The following TEPSIN variants were observed in gnomAD, a reference collection of about 807,000 sequenced individuals.
TEPSIN encodes AP-4 complex accessory subunit tepsin.
In TEPSIN, 50 loss-of-function variants were observed where a neutral mutation model predicts 48.5. That is an observed-to-expected ratio of 1.03 (90% CI 0.82 to 1.31). The LOEUF is 1.31. TEPSIN is among the 50% of genes most tolerant of loss of function. TEPSIN has a pLI of 0.00. For missense variants in TEPSIN, 838 were observed against 815.9 expected (o/e 1.03, Z -0.33); for synonymous variants, 392 against 358.8 (o/e 1.09, Z -1.05).
In TEPSIN at chr17:81,230,736, G is replaced by T. The variant is rs1408079012; in HGVS notation, c.1099-58C>A. 6 of 1,461,116 alleles carry T rather than the reference G, an allele frequency of 4.1e-6. No homozygotes were observed. In the East Asian group the frequency reaches 1.3e-4, roughly 30 times the overall value. The allele number at this position is 1,461,116 out of a possible 1,614,324, so 90.5% of individuals were successfully genotyped here. A position where few individuals can be genotyped will look rare whatever the true frequency, so the allele number is the denominator to read the frequency against. On this transcript the variant is annotated intron_variant, in intron 11 of 12. Transcript: ENST00000637944. This position sits in a 1 kb window ranked among gnomAD's most constrained non-coding sequence, Gnocchi z 4.2. Reference sequence around the variant, plus strand: ...TGGGGCAGCAGGTCCACGCCAGGGAGGCCTATTTGGCCATCTCTCTCCCTC... The same window carrying T: ...TGGGGCAGCAGGTCCACGCCAGGGATGCCTATTTGGCCATCTCTCTCCCTC...
In TEPSIN at chr17:81,231,263, G is replaced by A. The variant is rs532961706; in HGVS notation, c.1098+135C>T. On this transcript the variant is annotated intron_variant, in intron 11 of 12. Transcript: ENST00000637944. ...CACACGCACACACACAGGCATGTGC[G>A]CACGCACAGCCACACAGAGGAATGT... 4.2e-4 allele frequency: 382 copies of A among 905,598 alleles called. No individual in the cohort carries two copies. In the African/African-American group the frequency reaches 5.3e-3, roughly 13 times the overall value. The allele number at this position is 905,598 out of a possible 1,614,324, so 56.1% of individuals were successfully genotyped here.
At position 81,236,814 on chromosome 17, in the gene TEPSIN, G is replaced by T. The variant is rs993396353; in HGVS notation, c.214-13C>A. ...GGATCTTCAGCACCTGGGGAGTGGG[G>T]CGGTCAGCAGTGCTGGGCAGGCCGG... On this transcript the variant is annotated splice_polypyrimidine_tract_variant and intron_variant, in intron 3 of 12. Transcript: ENST00000637944. 1 of 1,557,412 alleles carries T rather than the reference G, an allele frequency of 6.4e-7. No individual in the cohort carries two copies. The highest frequency in any genetic ancestry group is 8.7e-7 in the Non-Finnish European group (1 of 1,151,370).
Position 81,237,527 on chromosome 17 carries a change from C to G in TEPSIN, c.49-68G>C, listed in dbSNP as rs1210859157. ...CCCACAGGGGTGAATCCGCAGCCCCCCAAAGGGGATGGAAACGACCCACCT... is the reference window on the plus strand; with the variant it reads ...CCCACAGGGGTGAATCCGCAGCCCCGCAAAGGGGATGGAAACGACCCACCT... On this transcript the variant is annotated intron_variant, in intron 1 of 12. Coordinates refer to ENST00000637944, the MANE Select transcript of TEPSIN (RefSeq NM_001363764.2). 4.0e-6 allele frequency: 6 copies of G among 1,499,680 alleles called. No individual in the cohort carries two copies. In the East Asian group the frequency reaches 9.4e-5, roughly 23 times the overall value. 92.9% of individuals were successfully genotyped at this position (1,499,680 alleles called of 1,614,324 possible). A position where few individuals can be genotyped will look rare whatever the true frequency, so the allele number is the denominator to read the frequency against.
In TEPSIN at chr17:81,230,401, T is replaced by C. The variant is rs1019569413; in HGVS notation, c.1233+143A>G. 12 of 1,202,500 alleles carry C rather than the reference T, an allele frequency of 1.0e-5. No individual in the cohort carries two copies. The Admixed American group carries it at 1.5e-4, about 15-fold the overall frequency. 74.5% of individuals were successfully genotyped at this position (1,202,500 alleles called of 1,614,324 possible). ...AGGACCCTGACTTGCTGCTGCTCCC[T>C]CTGCCAGCGGGACAGGGACTTGAGA... On this transcript the variant is annotated intron_variant, in intron 12 of 12. Transcript: ENST00000637944. The surrounding 1 kb of genome is among the most constrained non-coding windows in gnomAD (Gnocchi z 4.2).
intron 1 of TEPSIN, chr17:81,238,080 G>A (rs527648289): frequency 6.1e-6 from 6 of 987,882 alleles, no homozygotes; most frequent in Admixed American, 5.9e-5. Flanking sequence ...GGACAGAATA[G>A]AGTTCAAGAG....
chr17:81,233,366 G>T lies in TEPSIN; in HGVS notation c.526+66C>A. On this transcript the variant is annotated intron_variant, in intron 7 of 12. Coordinates refer to ENST00000637944, the MANE Select transcript of TEPSIN (RefSeq NM_001363764.2). This position sits in a 1 kb window ranked among gnomAD's most constrained non-coding sequence, Gnocchi z 5.8. ...CTACTAGATGGGGCGGCATGGTCCG[G>T]CCCCCACCACCTCCTCATCCCCACA... 1 of 1,564,650 alleles carries T rather than the reference G, an allele frequency of 6.4e-7. No homozygotes were observed.
rs572773652 is a variant in TEPSIN at position 81,232,928 on chromosome 17, G to A, written c.527-410C>T. On this transcript the variant is annotated intron_variant, in intron 7 of 12. Coordinates refer to ENST00000637944, the MANE Select transcript of TEPSIN (RefSeq NM_001363764.2). ...AGGAGCCCCAGGCTGTGCGCAGGAC[G>A]GCGTGACACAGCCTAACGGTGAGCA... 8 of 229,416 alleles carry A rather than the reference G, an allele frequency of 3.5e-5. No homozygotes were observed. The East Asian group carries it at 7.9e-4, about 23-fold the overall frequency. The allele number at this position is 229,416 out of a possible 1,614,324, so 14.2% of individuals were successfully genotyped here.
chr17:81,230,672 G>T lies in TEPSIN; in HGVS notation c.1105C>A (p.Leu369Met). The T allele has an allele frequency of 6.5e-7, 1 of 1,548,402 alleles. No homozygotes were observed. Among genetic ancestry groups the T allele is most frequent in the Non-Finnish European group, 8.7e-7 (1 of 1,145,168 alleles). The change falls in exon 12 of 13, where the codon CTG (leucine) becomes ATG (methionine). Residue 369 changes from leucine (L) to methionine (M), a missense_variant. Coordinates refer to ENST00000637944, the MANE Select transcript of TEPSIN (RefSeq NM_001363764.2). The surrounding 1 kb of genome is among the most constrained non-coding windows in gnomAD (Gnocchi z 4.2). ...GTSECTQLRA[L>M]CAIASLGSSD... ...CTCCCCAGGGAGGCGATGGCACACAGCGCCCTCTGCGGGTGAAGGGAGGGG... is the reference window on the plus strand; with the variant it reads ...CTCCCCAGGGAGGCGATGGCACACATCGCCCTCTGCGGGTGAAGGGAGGGG...
intron 4 of TEPSIN, among the ~76,000 whole-genome samples, chr17:81,236,452 T>G (rs1299539137): frequency 6.6e-6 from 1 of 151,648 alleles, no homozygotes; most frequent in Non-Finnish European, 1.5e-5. Context: ...CAGGGACGCA[T>G]AGGAGGCACG....
chr17:81,237,153 A>G, intron 2 of TEPSIN, 82 bp from the exon 3 acceptor site: 1 of 1,417,748 alleles, frequency 7.1e-7, no homozygotes, highest in East Asian at 2.5e-5. Flanking sequence ...GGGGCCTCTC[A>G]GTTCACGCTC....
rs2062658985 is a variant in TEPSIN, at chr17:81,233,417, G to C, written c.526+15C>G. 1.2e-6 allele frequency: 2 copies of C among 1,609,414 alleles called. No individual in the cohort carries two copies. Among genetic ancestry groups the C allele is most frequent in the Non-Finnish European group, 1.7e-6 (2 of 1,179,250 alleles). ...CCCTGAGATGCCAGAGCCCATGCAGGCCCTCCCCACTCACCCGTGCGGCCG... is the reference window on the plus strand; with the variant it reads ...CCCTGAGATGCCAGAGCCCATGCAGCCCCTCCCCACTCACCCGTGCGGCCG... On this transcript the variant is annotated intron_variant, in intron 7 of 12. Coordinates refer to ENST00000637944, the MANE Select transcript of TEPSIN (RefSeq NM_001363764.2). The surrounding 1 kb of genome is among the most constrained non-coding windows in gnomAD (Gnocchi z 5.8).
rs932542003 is a variant in TEPSIN at position 81,230,845 on chromosome 17, C to G, written c.1099-167G>C. 11 of 865,388 alleles carry G rather than the reference C, an allele frequency of 1.3e-5. No individual in the cohort carries two copies. The highest frequency in any genetic ancestry group is 1.8e-5 in the Non-Finnish European group (11 of 596,490). 53.6% of individuals were successfully genotyped at this position (865,388 alleles called of 1,614,324 possible). A position where few individuals can be genotyped will look rare whatever the true frequency, so the allele number is the denominator to read the frequency against. On this transcript the variant is annotated intron_variant, in intron 11 of 12. Transcript: ENST00000637944. This position sits in a 1 kb window ranked among gnomAD's most constrained non-coding sequence, Gnocchi z 4.2. Reference sequence around the variant, plus strand: ...GCCCTGTCCTCACCGCCTTACACCCCGGATCCCAGACACCACAGCCCTGTC... The same window carrying G: ...GCCCTGTCCTCACCGCCTTACACCCGGGATCCCAGACACCACAGCCCTGTC...
Position 81,230,553 on chromosome 17 carries a change from C to T in TEPSIN, c.1224G>A (p.Lys408=), listed in dbSNP as rs535399538. Residue 408 remains lysine, a synonymous_variant, in exon 12 of 13, where the codon AAG becomes AAA. Coordinates refer to ENST00000637944, the MANE Select transcript of TEPSIN (RefSeq NM_001363764.2). This position sits in a 1 kb window ranked among gnomAD's most constrained non-coding sequence, Gnocchi z 4.2. ...SMGSPGPVTN[K]ATKILRHFEA... ...CTCCGCAGCTGCCCACCTTGGTGGCCTTGTTGGTCACAGGTCCCGGGCTGC... is the reference window on the plus strand; with the variant it reads ...CTCCGCAGCTGCCCACCTTGGTGGCTTTGTTGGTCACAGGTCCCGGGCTGC... The T allele has an allele frequency of 7.4e-6, 12 of 1,611,802 alleles. No individual in the cohort carries two copies. In the South Asian group the frequency reaches 1.3e-4, roughly 18 times the overall value.
At chr17:81,236,841 C>T (rs2062731203) in intron 3 of TEPSIN, 40 bp from the exon 4 acceptor site, 8 of 1,548,894 alleles carry the variant, frequency 5.2e-6, no homozygotes, top group African/African-American at 1.4e-5. Flanking sequence ...GCAGGCCGGA[C>T]ACGGGACACC....
In TEPSIN at chr17:81,233,672, A is replaced by T. The variant is rs774985557; in HGVS notation, c.420T>A (p.Ala140=). ...TLFSDTVLPL[A]PSQPLGTPPA... ...GCGGGGTCCCCAGAGGCTGGGAGGG[A>T]GCCAGCGGCAACACGGTGTCCGAGA... is the stretch of plus-strand genomic sequence containing the variant. Residue 140 remains alanine, a synonymous_variant, in exon 6 of 13, where the codon GCT becomes GCA. Coordinates refer to ENST00000637944, the MANE Select transcript of TEPSIN (RefSeq NM_001363764.2). The surrounding 1 kb of genome is among the most constrained non-coding windows in gnomAD (Gnocchi z 5.8). 2 of 1,599,416 alleles carry T rather than the reference A, an allele frequency of 1.3e-6. No individual in the cohort carries two copies. Among genetic ancestry groups the T allele is most frequent in the Non-Finnish European group, 1.7e-6 (2 of 1,175,480 alleles).
chr17:81,234,191 T>G lies in TEPSIN; in HGVS notation c.308-143A>C, dbSNP rs1276274400. 3.1e-6 allele frequency: 2 copies of G among 643,102 alleles called. No individual in the cohort carries two copies. The highest frequency in any genetic ancestry group is 2.6e-6 in the Non-Finnish European group (1 of 389,554). The allele number at this position is 643,102 out of a possible 1,614,324, so 39.8% of individuals were successfully genotyped here. ...TGTCACAGCCAATGGGATGCCCTCC[T>G]CCAGGACCCTGCAGAGGCCACACCT... On this transcript the variant is annotated intron_variant, in intron 4 of 12. Transcript: ENST00000637944. The surrounding 1 kb of genome is among the most constrained non-coding windows in gnomAD (Gnocchi z 5.4).
rs539811503 is a variant in TEPSIN at position 81,228,802 on chromosome 17, C to T, written c.*126G>A. 6.4e-5 allele frequency: 75 copies of T among 1,167,584 alleles called. No homozygotes were observed. In the African/African-American group the frequency reaches 1.1e-3, roughly 17 times the overall value. The allele number at this position is 1,167,584 out of a possible 1,614,324, so 72.3% of individuals were successfully genotyped here. On this transcript the variant is annotated 3_prime_UTR_variant, in exon 13 of 13. Transcript: ENST00000637944. Reference sequence around the variant, plus strand: ...GAGGAGATGGGGGAAACTGAGGTAGCCCTAGGGTCGTCCTCTCAAGTCAAG... The same window carrying T: ...GAGGAGATGGGGGAAACTGAGGTAGTCCTAGGGTCGTCCTCTCAAGTCAAG...
In TEPSIN at chr17:81,233,145, G is replaced by A. The variant is rs555191793; in HGVS notation, c.526+287C>T. ...CACCACAGCCAGGGGCACAGCCCTCGGCCCCTCTCAGAGTGGGACTCACCC... is the reference window on the plus strand; with the variant it reads ...CACCACAGCCAGGGGCACAGCCCTCAGCCCCTCTCAGAGTGGGACTCACCC... On this transcript the variant is annotated intron_variant, in intron 7 of 12. Transcript: ENST00000637944. This position sits in a 1 kb window ranked among gnomAD's most constrained non-coding sequence, Gnocchi z 5.8. 5.8e-5 allele frequency: 30 copies of A among 518,826 alleles called. No homozygotes were observed. The highest frequency in any genetic ancestry group is 5.0e-4 in the Middle Eastern group (1 of 2,008). 32.1% of individuals were successfully genotyped at this position (518,826 alleles called of 1,614,324 possible).
chr17:81,233,778 C>T lies in TEPSIN; in HGVS notation c.376-62G>A. On this transcript the variant is annotated intron_variant, in intron 5 of 12. Coordinates refer to ENST00000637944, the MANE Select transcript of TEPSIN (RefSeq NM_001363764.2). This position sits in a 1 kb window ranked among gnomAD's most constrained non-coding sequence, Gnocchi z 5.8. Reference sequence around the variant, plus strand: ...CCAGGGCCTGCTGTACTCACCCTGCCACCCATATCAGCTCCGTTCTGTCCC... The same window carrying T: ...CCAGGGCCTGCTGTACTCACCCTGCTACCCATATCAGCTCCGTTCTGTCCC... 6.7e-7 allele frequency: 1 copy of T among 1,493,782 alleles called. No individual in the cohort carries two copies. Among genetic ancestry groups the T allele is most frequent in the Non-Finnish European group, 9.0e-7 (1 of 1,107,848 alleles). 92.5% of individuals were successfully genotyped at this position (1,493,782 alleles called of 1,614,324 possible). A position where few individuals can be genotyped will look rare whatever the true frequency, so the allele number is the denominator to read the frequency against.
Sources: gnomAD v4.1 joint callset for allele counts (sites outside exome capture counted in the v4.1 genomes callset) on GRCh38, gnomAD v4.1.1 for gene constraint, Gnocchi (gnomAD v3.1) non-coding constraint, MANE v1.5 for transcripts, NCBI Gene and HGNC (gene_info 2026-07-23, HGNC 2026-07-21) for gene names.